The following KCNB2 variants were observed in gnomAD, a reference collection of about 807,000 sequenced individuals.
KCNB2 encodes the protein delayed rectifier potassium channel protein.
Under a neutral mutation model 61.5 loss-of-function variants are expected in KCNB2, and 15 were observed. That is an observed-to-expected ratio of 0.24 (90% confidence interval 0.16 to 0.38). The LOEUF is 0.38. KCNB2 is among the 10% of genes least tolerant of loss of function. The probability of loss-of-function intolerance (pLI) is 1.00; values close to 1 mark genes in which losing one functional copy is unlikely to be tolerated. For missense variants in KCNB2, 828 were observed against 1,125.2 expected (o/e 0.74, Z 3.78); for synonymous variants, 457 against 446.0 (o/e 1.02, Z -0.31).
intron 2 of KCNB2, among the ~76,000 whole-genome samples, chr8:72,587,533 G>T (rs921405882): frequency 1.9e-4 from 29 of 152,296 alleles, no homozygotes; most frequent in African/African-American, 7.0e-4. Context: ...TTTGAGAGCA[G>T]CCTGGACAAC....
chr8:72,915,217 G>A (rs2981123), intron 2 of KCNB2, among the ~76,000 whole-genome samples: 1 of 151,444 alleles, frequency 6.6e-6, no homozygotes, highest in African/African-American at 2.4e-5. Flanking sequence ...CCACTGCGCC[G>A]AGCATGACTG....
chr8:72,667,513 C>G (rs568695158), intron 2 of KCNB2, among the ~76,000 whole-genome samples: 1 of 152,124 alleles, frequency 6.6e-6, no homozygotes, highest in Non-Finnish European at 1.5e-5. Context: ...GTAAATAACA[C>G]CACCATCTGC....
intron 2 of KCNB2, among the ~76,000 whole-genome samples, chr8:72,780,287 A>G (rs564868209): frequency 2.6e-5 from 4 of 152,354 alleles, no homozygotes; most frequent in Non-Finnish European, 4.4e-5. Context: ...AAATCATTTT[A>G]TCTTAAATTA....
intron 1 of KCNB2, among the ~76,000 whole-genome samples, chr8:72,548,978 A>T (rs1244184923): frequency 1.3e-5 from 2 of 152,226 alleles, no homozygotes; most frequent in Non-Finnish European, 2.9e-5. Context: ...TGTTACTCAA[A>T]GCCTTTTTCA....
chr8:72,916,410 G>T (rs1457167734), intron 2 of KCNB2, among the ~76,000 whole-genome samples: 1 of 152,104 alleles, frequency 6.6e-6, no homozygotes, highest in Non-Finnish European at 1.5e-5. Flanking sequence ...CACGGGACGG[G>T]GAGCACAGGT....
intron 2 of KCNB2, among the ~76,000 whole-genome samples, chr8:72,741,964 A>G (rs1467686655): frequency 2.6e-5 from 4 of 152,238 alleles, no homozygotes; most frequent in Admixed American, 2.6e-4. Context: ...TAGAACTACC[A>G]TTTGATCTAG....
rs567478717 is a variant in KCNB2, at chr8:72,543,186, T to C, written c.-94+5301T>C. Among the ~76,000 whole-genome samples, 252 of 152,278 alleles carry C rather than the reference T, an allele frequency of 1.7e-3. 1 individual carries two copies. The highest frequency in any genetic ancestry group is 2.4e-3 in the Non-Finnish European group (162 of 68,010). Reference sequence around the variant, plus strand: ...AGATAATAAATCATATCTACACATATAACATTTTAAAAAGCAATATAAATT... The same window carrying C: ...AGATAATAAATCATATCTACACATACAACATTTTAAAAAGCAATATAAATT... On this transcript the variant is annotated intron_variant, in intron 1 of 2. Transcript: ENST00000523207.
intron 2 of KCNB2, among the ~76,000 whole-genome samples, chr8:72,843,461 C>T (rs963652575): frequency 2.0e-5 from 3 of 152,056 alleles, no homozygotes; most frequent in Admixed American, 6.6e-5. Context: ...TCTGCTTGGT[C>T]CAGAGCTGAG....
intron 2 of KCNB2, among the ~76,000 whole-genome samples, chr8:72,785,701 T>C (rs1808835538): frequency 6.6e-6 from 1 of 152,084 alleles, no homozygotes; most frequent in South Asian, 2.1e-4. Flanking sequence ...AAATTTCTGG[T>C]ATATTGTCTT....
chr8:72,675,615 G>A (rs928540221), intron 2 of KCNB2, among the ~76,000 whole-genome samples: 1 of 151,954 alleles, frequency 6.6e-6, no homozygotes, highest in South Asian at 2.1e-4. Flanking sequence ...TGGGTTCAGC[G>A]TGATCTCGGC....
chr8:72,635,897 C>G (rs957890745), intron 2 of KCNB2, among the ~76,000 whole-genome samples: 24 of 152,190 alleles, frequency 1.6e-4, no homozygotes, highest in African/African-American at 5.1e-4. Context: ...GATACCTGCC[C>G]TACTACCTAC....
intron 2 of KCNB2, among the ~76,000 whole-genome samples, chr8:72,915,606 G>C (rs780791984): frequency 6.6e-6 from 1 of 152,144 alleles, no homozygotes; most frequent in Non-Finnish European, 1.5e-5. Flanking sequence ...TGAAATAAAG[G>C]CAGTATTTTT....
At chr8:72,874,710 C>T (rs956183746) in intron 2 of KCNB2, 2 of 152,240 alleles carry the variant, frequency 1.3e-5, no homozygotes, top group South Asian at 2.1e-4. Context: ...CCTACAAGGC[C>T]CAAAGGCCCT....
At chr8:72,900,798 G>T (rs776667747) in intron 2 of KCNB2, among the ~76,000 whole-genome samples, 1 of 151,996 alleles carries the variant, frequency 6.6e-6, no homozygotes. Flanking sequence ...GTGAGATACC[G>T]TCTCACACCA....
At chr8:72,864,826 C>A (rs934972495) in intron 2 of KCNB2, among the ~76,000 whole-genome samples, 6 of 152,202 alleles carry the variant, frequency 3.9e-5, no homozygotes, top group Non-Finnish European at 7.3e-5. Flanking sequence ...GGAATTGCTG[C>A]CGGCCAGGCT....
At chr8:72,922,882 G>GTCC (rs1187543877) in intron 2 of KCNB2, among the ~76,000 whole-genome samples, 3 of 152,184 alleles carry the variant, frequency 2.0e-5, no homozygotes, top group Admixed American at 1.3e-4. Context: ...GCCTCAGGAG[G>GTCC]TCCTGATAAT....
intron 2 of KCNB2, among the ~76,000 whole-genome samples, chr8:72,737,773 C>T (rs964214435): frequency 9.2e-5 from 14 of 152,184 alleles, no homozygotes. Context: ...TGCATTCCTT[C>T]TCCTCAGAAG....
At chr8:72,725,762 T>C (rs1173851730) in intron 2 of KCNB2, among the ~76,000 whole-genome samples, 1 of 151,592 alleles carries the variant, frequency 6.6e-6, no homozygotes, top group Admixed American at 6.6e-5. Flanking sequence ...AGGTTTATCT[T>C]ATTTTTTCCT....
intron 2 of KCNB2, among the ~76,000 whole-genome samples, chr8:72,648,409 C>T (rs945828056): frequency 7.9e-5 from 12 of 152,096 alleles, no homozygotes; most frequent in African/African-American, 2.9e-4. Flanking sequence ...GTAGCTGAAA[C>T]CACAGGCATT....
Sources: allele counts gnomAD v4.1 joint callset (sites outside exome capture counted in the v4.1 genomes callset), GRCh38; gene constraint gnomAD v4.1.1; transcripts MANE v1.5; gene names NCBI Gene and HGNC (gene_info 2026-07-23, HGNC 2026-07-21).